The following RAD54L2 variants were observed in gnomAD, a reference collection of about 807,000 sequenced individuals.
RAD54L2 encodes the protein RAD54 like 2.
RAD54L2 carries 27 observed loss-of-function variants against 138.4 expected under a neutral mutation model. The observed-to-expected ratio is 0.20, with a 90% confidence interval of 0.14 to 0.27. RAD54L2 has a LOEUF of 0.27. RAD54L2 is among the 10% of genes least tolerant of loss of function. The pLI is 1.00. For missense variants in RAD54L2, 1,396 were observed against 1,890.2 expected (o/e 0.74, Z 4.85); for synonymous variants, 644 against 723.2 (o/e 0.89, Z 1.76).
At position 51,609,191 on chromosome 3, in the gene RAD54L2, A is replaced by T. The variant is rs183598456; in HGVS notation, c.140-18362A>T. ...CGCGCCCAGCCTGTTTTATTTTTTA[A>T]ATGGCTAGTCAGAAAAGGCTTTACC... is the stretch of plus-strand genomic sequence containing the variant. On this transcript the variant is annotated intron_variant, in intron 3 of 22. Coordinates refer to ENST00000684192, the MANE Select transcript of RAD54L2 (RefSeq NM_015106.4). Among the ~76,000 whole-genome samples, 190 of 152,198 alleles carry T rather than the reference A, an allele frequency of 1.2e-3. 1 individual carries two copies. Among genetic ancestry groups the T allele is most frequent in the Non-Finnish European group, 2.1e-3 (142 of 68,000 alleles).
At chr3:51,575,070 G>A (rs935725526) in intron 2 of RAD54L2, among the ~76,000 whole-genome samples, 18 of 152,130 alleles carry the variant, frequency 1.2e-4, no homozygotes, top group Non-Finnish European at 2.5e-4. Context: ...CATATGGCTA[G>A]CCAGTTTTCC....
Position 51,637,148 on chromosome 3 carries a change from C to T in RAD54L2, c.1340-13C>T. 1 of 1,566,406 alleles carries T rather than the reference C, an allele frequency of 6.4e-7. No homozygotes were observed. ...CTGTCACCCTCTGACTCCGGATCCT[C>T]TTCCCTCCCTAGAGTTTGAGAAGGC... On this transcript the variant is annotated splice_polypyrimidine_tract_variant and intron_variant, in intron 10 of 22. Transcript: ENST00000684192. This position sits in a 1 kb window ranked among gnomAD's most constrained non-coding sequence, Gnocchi z 5.9.
In RAD54L2 at chr3:51,635,728, G is replaced by A. The variant is rs1367124238; in HGVS notation, c.1278G>A (p.Lys426=). 2 of 1,613,818 alleles carry A rather than the reference G, an allele frequency of 1.2e-6. No individual in the cohort carries two copies. The highest frequency in any genetic ancestry group is 4.5e-5 in the East Asian group (2 of 44,864). Residue 426 remains lysine, a synonymous_variant, in exon 10 of 23, where the codon AAG becomes AAA. Transcript: ENST00000684192. ...CAGGTAGACCGAAGAAAACCAAGAA[G>A]CGTTCTCACCCAGTCATCATTGATC... The part of the protein sequence containing the change: ...FATGRPKKTK[K]RSHPVIIDLD...
chr3:51,616,331 T>C (rs1221626358), intron 3 of RAD54L2, among the ~76,000 whole-genome samples: 3 of 152,240 alleles, frequency 2.0e-5, no homozygotes, highest in African/African-American at 7.2e-5. Flanking sequence ...AAAATTTATA[T>C]CATTGATTTT....
chr3:51,629,446 C>G lies in RAD54L2; in HGVS notation c.454C>G (p.Pro152Ala), dbSNP rs756168650. The change falls in exon 5 of 23, where the codon CCT (proline) becomes GCT (alanine). Residue 152 changes from proline to alanine, a missense_variant. This residue lies in a region of RAD54L2 where 256 missense variants were observed against 344.6 expected (regional missense o/e 0.74). Transcript: ENST00000684192. ...QQRKDYAAPI[P>A]TVPLEFLPEE... ...GAGGAAAGATTATGCAGCCCCTATT[C>G]CTACTGTTCCGCTGGAGTTCCTCCC... 1 of 1,612,496 alleles carries G rather than the reference C, an allele frequency of 6.2e-7. No individual in the cohort carries two copies. The highest frequency in any genetic ancestry group is 1.3e-5 in the African/African-American group (1 of 74,890).
chr3:51,633,561 C>A lies in RAD54L2; in HGVS notation c.826-16C>A. 6.2e-7 allele frequency: 1 copy of A among 1,607,540 alleles called. No homozygotes were observed. The highest frequency in any genetic ancestry group is 8.5e-7 in the Non-Finnish European group (1 of 1,174,678). On this transcript the variant is annotated splice_polypyrimidine_tract_variant and intron_variant, in intron 7 of 22. Coordinates refer to ENST00000684192, the MANE Select transcript of RAD54L2 (RefSeq NM_015106.4). ...CTTTGTGAGCCCCTCTGACATTTGT[C>A]TTTGTCCCTTGTCAGATTGGCGGGA... is the stretch of plus-strand genomic sequence containing the variant.
At chr3:51,606,806 C>A in intron 3 of RAD54L2, among the ~76,000 whole-genome samples, 1 of 151,930 alleles carries the variant, frequency 6.6e-6, no homozygotes, top group Non-Finnish European at 1.5e-5. Flanking sequence ...CCTCACCCTC[C>A]CAAGTAGATG....
chr3:51,568,849 A>C (rs1699273642), intron 2 of RAD54L2, among the ~76,000 whole-genome samples: 1 of 152,194 alleles, frequency 6.6e-6, no homozygotes, highest in African/African-American at 2.4e-5. Context: ...ATTTTATATT[A>C]TCATATGTTT....
At chr3:51,561,552 C>G (rs1019263573) in intron 2 of RAD54L2, among the ~76,000 whole-genome samples, 1 of 151,494 alleles carries the variant, frequency 6.6e-6, no homozygotes, top group Non-Finnish European at 1.5e-5. Context: ...GCCGAAATTC[C>G]CTTTTATCTT....
At chr3:51,571,408 T>TTTA (rs1553677163) in intron 2 of RAD54L2, among the ~76,000 whole-genome samples, 31 of 150,392 alleles carry the variant, frequency 2.1e-4, no homozygotes, top group African/African-American at 7.5e-4. Flanking sequence ...TTTTTTTTTT[T>TTTA]AAAGACATAG....
chr3:51,546,308 T>A (rs1312521642), intron 2 of RAD54L2, among the ~76,000 whole-genome samples: 1 of 151,962 alleles, frequency 6.6e-6, no homozygotes, highest in African/African-American at 2.4e-5. Flanking sequence ...GAAAAGTAAC[T>A]GTAGTTAGGT....
chr3:51,602,332 A>G (rs1700098249), intron 3 of RAD54L2, among the ~76,000 whole-genome samples: 1 of 152,160 alleles, frequency 6.6e-6, no homozygotes, highest in African/African-American at 2.4e-5. Flanking sequence ...TGAGAATAGA[A>G]CTTAGTGGCA....
At chr3:51,588,490 G>T (rs1388408413) in intron 2 of RAD54L2, among the ~76,000 whole-genome samples, 1 of 139,920 alleles carries the variant, frequency 7.1e-6, no homozygotes, top group Non-Finnish European at 1.6e-5. Flanking sequence ...AGCTGAGATC[G>T]TGCCACTGCA....
intron 19 of RAD54L2, among the ~76,000 whole-genome samples, chr3:51,654,066 G>T (rs1296455759): frequency 6.6e-6 from 1 of 152,078 alleles, no homozygotes; most frequent in Non-Finnish European, 1.5e-5. Context: ...TTTTTTGGGG[G>T]TGGGGTACAG....
intron 2 of RAD54L2, among the ~76,000 whole-genome samples, chr3:51,589,929 G>A (rs1245746216): frequency 6.6e-6 from 1 of 152,134 alleles, no homozygotes; most frequent in Admixed American, 6.6e-5. Context: ...GGAAGGTGGT[G>A]ATTTGGATAC....
chr3:51,611,803 G>A (rs991489926), intron 3 of RAD54L2, among the ~76,000 whole-genome samples: 2 of 151,970 alleles, frequency 1.3e-5, no homozygotes, highest in Non-Finnish European at 2.9e-5. Context: ...TGATCCACCC[G>A]CCTCGGGCTC....
intron 19 of RAD54L2, 132 bp downstream of exon 19, chr3:51,646,613 G>A (rs745380844): frequency 2.0e-6 from 2 of 1,005,730 alleles, no homozygotes; most frequent in Non-Finnish European, 2.8e-6. Context: ...TCTGCTCTAG[G>A]GTAGGTGTGA....
At chr3:51,651,780 C>T (rs1357930643) in intron 19 of RAD54L2, among the ~76,000 whole-genome samples, 1 of 152,136 alleles carries the variant, frequency 6.6e-6, no homozygotes, top group Non-Finnish European at 1.5e-5. Flanking sequence ...ATTGATGGAA[C>T]GTATCTCAAA....
At chr3:51,546,572 G>A (rs566806196) in intron 2 of RAD54L2, among the ~76,000 whole-genome samples, 7 of 151,664 alleles carry the variant, frequency 4.6e-5, no homozygotes, top group South Asian at 2.1e-4. Context: ...CCTGGGAGGC[G>A]GAGGTTGTGG....
Sources: allele counts gnomAD v4.1 joint callset (sites outside exome capture counted in the v4.1 genomes callset), GRCh38; gene constraint gnomAD v4.1.1; regional missense constraint gnomAD v4.1.1; non-coding constraint Gnocchi (gnomAD v3.1); transcripts MANE v1.5; gene names NCBI Gene and HGNC (gene_info 2026-07-23, HGNC 2026-07-21).